AMIGO3: variants seen among roughly 807,000 people sequenced by gnomAD.
The protein encoded by AMIGO3 is amphoterin-induced protein 3.
In AMIGO3, 6 loss-of-function variants were observed where a neutral mutation model predicts 4.3. That is an observed-to-expected ratio of 1.39 (90% CI 0.76 to 2.75). AMIGO3 has a LOEUF of 2.75. AMIGO3 is among the 30% of genes most tolerant of loss of function. The pLI, the probability that AMIGO3 is intolerant of heterozygous loss-of-function variation, is 0.00. For missense variants in AMIGO3, 771 were observed against 692.1 expected, an observed-to-expected ratio of 1.11 and a Z score of -1.28; for synonymous variants, 315 against 320.0, an observed-to-expected ratio of 0.98 and a Z score of 0.17.
Position 49,718,648 on chromosome 3 carries a change from C to T in AMIGO3, c.818G>A (p.Cys273Tyr), listed in dbSNP as rs2080308564. ...FFQHSRVFENCSSAPALGLER... is the reference protein window; with the variant it reads ...FFQHSRVFENYSSAPALGLER... ...TAGGCCAAGAGCTGGGGCCGACGAGCAGTTCTCAAAGACGCGGCTGTGCTG... is the reference window on the plus strand; with the variant it reads ...TAGGCCAAGAGCTGGGGCCGACGAGTAGTTCTCAAAGACGCGGCTGTGCTG... The change falls in exon 1 of 1, where the codon TGC becomes TAC. Residue 273 changes from cysteine to tyrosine, a missense_variant. Physicochemically the swap from Cys to Tyr is radical, Grantham distance 194. Coordinates refer to ENST00000320431, the MANE Select transcript of AMIGO3 (RefSeq NM_198722.3). 6.2e-7 allele frequency: 1 copy of T among 1,613,034 alleles called. No individual in the cohort carries two copies. Among genetic ancestry groups the T allele is most frequent in the East Asian group, 2.2e-5 (1 of 44,884 alleles).
rs941035311 is a variant in AMIGO3 at position 49,717,636 on chromosome 3, C to T, written c.*315G>A. 2.2e-6 allele frequency: 1 copy of T among 462,110 alleles called. No individual in the cohort carries two copies. The highest frequency in any genetic ancestry group is 2.0e-5 in the African/African-American group (1 of 50,924). The allele number at this position is 462,110 out of a possible 1,614,324, so 28.6% of individuals were successfully genotyped here. A position where few individuals can be genotyped will look rare whatever the true frequency, so the allele number is the denominator to read the frequency against. Reference sequence around the variant, plus strand: ...TCCACAGCTGTGCTGTGTTGAAAGCCACAGGGGCCTGGGTCTCTCAGCCTC... The same window carrying T: ...TCCACAGCTGTGCTGTGTTGAAAGCTACAGGGGCCTGGGTCTCTCAGCCTC... On this transcript the variant is annotated 3_prime_UTR_variant, in exon 1 of 1. Transcript: ENST00000320431.
chr3:49,718,921 G>C lies in AMIGO3; in HGVS notation c.545C>G (p.Ala182Gly). The C allele has an allele frequency of 1.2e-6, 2 of 1,613,758 alleles. No individual in the cohort carries two copies. Among genetic ancestry groups the C allele is most frequent in the African/African-American group, 1.3e-5 (1 of 75,082 alleles). The change falls in exon 1 of 1, where the codon GCC becomes GGC. Residue 182 changes from alanine (A) to glycine (G), a missense_variant. Ala to Gly is a moderately conservative substitution (Grantham distance 60, BLOSUM62 0). Transcript: ENST00000320431. ...GAGGTCCAGAGTAAGCAGGTGGGTG[G>C]CGCTCAGACCGTGCAGGTGGTCGAA... Reference protein sequence around the residue: ...FSFDHLHGLSATHLLTLDLSS... With the variant: ...FSFDHLHGLSGTHLLTLDLSS...
Position 49,719,093 on chromosome 3 carries a change from C to T in AMIGO3, c.373G>A (p.Gly125Ser), listed in dbSNP as rs544779627. The change falls in exon 1 of 1, where the codon GGC (glycine) becomes AGC (serine). Residue 125 changes from glycine (G) to serine (S), a missense_variant. Gly to Ser is a moderately conservative substitution (Grantham distance 56). Coordinates refer to ENST00000320431, the MANE Select transcript of AMIGO3 (RefSeq NM_198722.3). The part of the protein sequence containing the change: ...DLSSNTLRAL[G>S]RHDLDGLGAL... ...CCCAGCCCGTCGAGGTCGTGGCGGC[C>T]AAGCGCCCGCAACGTGTTAGATGAT... is the stretch of plus-strand genomic sequence containing the variant. The T allele has an allele frequency of 1.5e-5, 25 of 1,613,556 alleles. No individual in the cohort carries two copies. In the South Asian group the frequency reaches 2.5e-4, roughly 16 times the overall value.
Position 49,718,448 on chromosome 3 carries a change from C to CT in AMIGO3, c.1017dup (p.Gly340ArgfsTer135), listed in dbSNP as rs778101475. ...CCCGCATGCTGCTCCTGTACGTTGC[C>CT]TATGGCCAAGCTGCCGTCGGCCAGC... On this transcript the variant is annotated frameshift_variant, in exon 1 of 1. Transcript: ENST00000320431. LOFTEE classifies it low-confidence loss of function (END_TRUNC). 1 of 1,612,968 alleles carries CT rather than the reference C, an allele frequency of 6.2e-7. No homozygotes were observed. Among genetic ancestry groups the CT allele is most frequent in the Middle Eastern group, 1.6e-4 (1 of 6,062 alleles).
rs778705981 is a variant in AMIGO3, at chr3:49,719,090, G to A, written c.376C>T (p.Arg126Cys). The A allele has an allele frequency of 8.7e-6, 14 of 1,613,470 alleles. No individual in the cohort carries two copies. The highest frequency in any genetic ancestry group is 2.2e-5 in the East Asian group (1 of 44,888). The change falls in exon 1 of 1, where the codon CGC becomes TGC. Residue 126 changes from arginine to cysteine, a missense_variant. Physicochemically the swap from Arg to Cys is radical, Grantham distance 180 (BLOSUM62 -3). Transcript: ENST00000320431. Reference sequence around the variant, plus strand: ...GCCCCCAGCCCGTCGAGGTCGTGGCGGCCAAGCGCCCGCAACGTGTTAGAT... The same window carrying A: ...GCCCCCAGCCCGTCGAGGTCGTGGCAGCCAAGCGCCCGCAACGTGTTAGAT... ...LSSNTLRALG[R>C]HDLDGLGALE...
chr3:49,719,036 G>C lies in AMIGO3; in HGVS notation c.430C>G (p.Arg144Gly). 1.9e-6 allele frequency: 3 copies of C among 1,613,884 alleles called. No individual in the cohort carries two copies. The highest frequency in any genetic ancestry group is 2.5e-6 in the Non-Finnish European group (3 of 1,180,044). Residue 144 changes from arginine (R) to glycine (G), a missense_variant, in exon 1 of 1, where the codon CGC becomes GGC. By Grantham distance (125) the Arg-to-Gly change is moderately radical. Transcript: ENST00000320431. Reference protein sequence around the residue: ...ALEKLLLFNNRLVHLDEHAFH... With the variant: ...ALEKLLLFNNGLVHLDEHAFH... ...GCATGCTCGTCCAAGTGCACCAAGC[G>C]GTTATTGAACAGAAGCAGCTTCTCC...
Position 49,718,598 on chromosome 3 carries a change from C to G in AMIGO3, c.868G>C (p.Ala290Pro), listed in dbSNP as rs373689365. ...AGCCTCAGGGACCGACCCACCAGCG[C>G]GTACAGGTGCTCTTCCGGCCGCTCT... ...GLERPEEHLYALVGRSLRLYC... is the reference protein window; with the variant it reads ...GLERPEEHLYPLVGRSLRLYC... Residue 290 changes from alanine to proline, a missense_variant, in exon 1 of 1, where the codon GCG becomes CCG. Transcript: ENST00000320431. The G allele has an allele frequency of 6.2e-7, 1 of 1,613,024 alleles. No individual in the cohort carries two copies. Among genetic ancestry groups the G allele is most frequent in the East Asian group, 2.2e-5 (1 of 44,886 alleles).
At position 49,719,220 on chromosome 3, in the gene AMIGO3, C is replaced by G. The variant is rs542288680; in HGVS notation, c.246G>C (p.Ala82=). The change falls in exon 1 of 1, where the codon GCG becomes GCC. Residue 82 remains alanine, a synonymous_variant. Coordinates refer to ENST00000320431, the MANE Select transcript of AMIGO3 (RefSeq NM_198722.3). ...ALQRLRPGWL[A]PLFQLRALHL... ...GCAGGGCGCGCAGCTGGAAGAGGGG[C>G]GCCAACCAGCCGGGGCGCAGGCGCT... 3 of 1,613,126 alleles carry G rather than the reference C, an allele frequency of 1.9e-6. No individual in the cohort carries two copies. In the African/African-American group the frequency reaches 4.0e-5, roughly 21 times the overall value.
rs1307970905 is a variant in AMIGO3, at chr3:49,718,305, TGTG to T, written c.1158_1160del (p.Thr387del). ...CAAGGCCCACGGCACAGCCCAGCAG[TGTG>T]GTGAAGCCTGTGTTGAAAGCCTCGG... On this transcript the variant is annotated inframe_deletion, in exon 1 of 1. Coordinates refer to ENST00000320431, the MANE Select transcript of AMIGO3 (RefSeq NM_198722.3). 5 of 1,613,020 alleles carry T rather than the reference TGTG, an allele frequency of 3.1e-6. No individual in the cohort carries two copies.
In AMIGO3 at chr3:49,719,500, T is replaced by G; in HGVS notation, c.-35A>C. The G allele has an allele frequency of 1.0e-5, 16 of 1,538,286 alleles. No homozygotes were observed. Among genetic ancestry groups the G allele is most frequent in the Non-Finnish European group, 1.3e-5 (15 of 1,129,846 alleles). On this transcript the variant is annotated 5_prime_UTR_variant, in exon 1 of 1. Coordinates refer to ENST00000320431, the MANE Select transcript of AMIGO3 (RefSeq NM_198722.3). ...CACCAGGGACAGTACAGAGCAGCTC[T>G]GTGCAGGTTGCAGTTCCAGGACTCA... is the stretch of plus-strand genomic sequence containing the variant.
chr3:49,718,228 G>A lies in AMIGO3; in HGVS notation c.1238C>T (p.Ala413Val), dbSNP rs534126431. 1.9e-6 allele frequency: 3 copies of A among 1,610,822 alleles called. No individual in the cohort carries two copies. Among genetic ancestry groups the A allele is most frequent in the Non-Finnish European group, 2.5e-6 (3 of 1,179,058 alleles). ...TTGGGGCCAGCGGCGGCAGCGGCAG[G>A]CACGGCGGCAGCAGCGGCAGGGTGG... ...FAPPCRCCRR[A>V]CRCRRWPQTP... The change falls in exon 1 of 1, where the codon GCC becomes GTC. Residue 413 changes from alanine to valine, a missense_variant. Transcript: ENST00000320431.
In AMIGO3 at chr3:49,718,653, C is replaced by G. The variant is rs201479576; in HGVS notation, c.813G>C (p.Glu271Asp). The G allele has an allele frequency of 1.4e-5, 23 of 1,613,034 alleles. No individual in the cohort carries two copies. The highest frequency in any genetic ancestry group is 1.9e-5 in the Non-Finnish European group (22 of 1,179,962). ...CAAGAGCTGGGGCCGACGAGCAGTTCTCAAAGACGCGGCTGTGCTGGAAGA... is the reference window on the plus strand; with the variant it reads ...CAAGAGCTGGGGCCGACGAGCAGTTGTCAAAGACGCGGCTGTGCTGGAAGA... ...VRFFQHSRVF[E>D]NCSSAPALGL... Residue 271 changes from glutamate to aspartate, a missense_variant, in exon 1 of 1, where the codon GAG becomes GAC. By Grantham distance (45) the Glu-to-Asp change is conservative (BLOSUM62 2). Coordinates refer to ENST00000320431, the MANE Select transcript of AMIGO3 (RefSeq NM_198722.3).
At position 49,717,939 on chromosome 3, in the gene AMIGO3, G is replaced by T; in HGVS notation, c.*12C>A. The T allele has an allele frequency of 6.2e-7, 1 of 1,606,182 alleles. No homozygotes were observed. Among genetic ancestry groups the T allele is most frequent in the Non-Finnish European group, 8.5e-7 (1 of 1,176,568 alleles). On this transcript the variant is annotated 3_prime_UTR_variant, in exon 1 of 1. Coordinates refer to ENST00000320431, the MANE Select transcript of AMIGO3 (RefSeq NM_198722.3). ...AGAGGGTGGGGGCCTGGGTGGGGGA[G>T]CCCTGGGCAGTCTAGGTTGTCATGG...
chr3:49,717,892 G>T lies in AMIGO3; in HGVS notation c.*59C>A. The T allele has an allele frequency of 1.9e-6, 3 of 1,541,648 alleles. No homozygotes were observed. The East Asian group carries it at 6.8e-5, about 35-fold the overall frequency. ...GTATCTGCCAGTTCTCTGGACCGAA[G>T]CAGGGAGCAGGGCGAGCAGCAAGAG... On this transcript the variant is annotated 3_prime_UTR_variant, in exon 1 of 1. Coordinates refer to ENST00000320431, the MANE Select transcript of AMIGO3 (RefSeq NM_198722.3).
Position 49,717,882 on chromosome 3 carries a change from C to G in AMIGO3, c.*69G>C. On this transcript the variant is annotated 3_prime_UTR_variant, in exon 1 of 1. Coordinates refer to ENST00000320431, the MANE Select transcript of AMIGO3 (RefSeq NM_198722.3). ...CTTCCCACCAGTATCTGCCAGTTCT[C>G]TGGACCGAAGCAGGGAGCAGGGCGA... 6.6e-7 allele frequency: 1 copy of G among 1,521,330 alleles called. No homozygotes were observed. The highest frequency in any genetic ancestry group is 8.8e-7 in the Non-Finnish European group (1 of 1,130,566). 94.2% of individuals were successfully genotyped at this position (1,521,330 alleles called of 1,614,324 possible). A position where few individuals can be genotyped will look rare whatever the true frequency, so the allele number is the denominator to read the frequency against.
In AMIGO3 at chr3:49,719,575, AG is replaced by A; in HGVS notation, c.-111del. On this transcript the variant is annotated 5_prime_UTR_variant, in exon 1 of 1. Transcript: ENST00000320431. ...GGGTGGCACCGGATGGCCCTTGCCG[AG>A]GAGGCACGGCGGGTTCTTGCCAGCC... The A allele has an allele frequency of 1.0e-6, 1 of 983,018 alleles. No individual in the cohort carries two copies. The highest frequency in any genetic ancestry group is 1.5e-6 in the Non-Finnish European group (1 of 664,772). The allele number at this position is 983,018 out of a possible 1,614,324, so 60.9% of individuals were successfully genotyped here.
In AMIGO3 at chr3:49,719,533, C is replaced by A; in HGVS notation, c.-68G>T. Reference sequence around the variant, plus strand: ...TTGCAGTTCCAGGACTCACCCTCTTCTGCTCTAGTGCGACATGGGTGGCAC... The same window carrying A: ...TTGCAGTTCCAGGACTCACCCTCTTATGCTCTAGTGCGACATGGGTGGCAC... On this transcript the variant is annotated 5_prime_UTR_variant, in exon 1 of 1. Coordinates refer to ENST00000320431, the MANE Select transcript of AMIGO3 (RefSeq NM_198722.3). 7.4e-7 allele frequency: 1 copy of A among 1,353,858 alleles called. No homozygotes were observed. The highest frequency in any genetic ancestry group is 1.0e-6 in the Non-Finnish European group (1 of 979,570). 83.9% of individuals were successfully genotyped at this position (1,353,858 alleles called of 1,614,324 possible).
chr3:49,717,752 G>A lies in AMIGO3; in HGVS notation c.*199C>T, dbSNP rs2080276114. The A allele has an allele frequency of 3.1e-6, 2 of 643,894 alleles. No individual in the cohort carries two copies. The highest frequency in any genetic ancestry group is 2.6e-6 in the Non-Finnish European group (1 of 377,500). 39.9% of individuals were successfully genotyped at this position (643,894 alleles called of 1,614,324 possible). On this transcript the variant is annotated 3_prime_UTR_variant, in exon 1 of 1. Coordinates refer to ENST00000320431, the MANE Select transcript of AMIGO3 (RefSeq NM_198722.3). Reference sequence around the variant, plus strand: ...GGCCTTTGGGTCCTGTGCAGGGGCAGAGCAGAAGGCAGGTTGGGGACCACA... The same window carrying A: ...GGCCTTTGGGTCCTGTGCAGGGGCAAAGCAGAAGGCAGGTTGGGGACCACA...
At position 49,716,911 on chromosome 3, in the gene AMIGO3, C is replaced by T. The variant is rs932536131; in HGVS notation, c.*1040G>A. Reference sequence around the variant, plus strand: ...CGAGGTCCAGGATGGCCATGGGGGCCCCCAGCTCGGCCCCCACACATGAAG... The same window carrying T: ...CGAGGTCCAGGATGGCCATGGGGGCTCCCAGCTCGGCCCCCACACATGAAG... On this transcript the variant is annotated 3_prime_UTR_variant, in exon 1 of 1. Transcript: ENST00000320431. 2 of 163,396 alleles carry T rather than the reference C, an allele frequency of 1.2e-5. No individual in the cohort carries two copies. The highest frequency in any genetic ancestry group is 5.7e-5 in the Admixed American group (1 of 17,512). 10.1% of individuals were successfully genotyped at this position (163,396 alleles called of 1,614,324 possible). A position where few individuals can be genotyped will look rare whatever the true frequency, so the allele number is the denominator to read the frequency against.
Sources: allele counts gnomAD v4.1 joint callset, GRCh38; gene constraint gnomAD v4.1.1; transcripts MANE v1.5; gene names NCBI Gene and HGNC (gene_info 2026-07-23, HGNC 2026-07-21).